The following SORL1 variants were observed in gnomAD, a reference collection of about 807,000 sequenced individuals.
SORL1 encodes the protein sortilin related receptor 1.
Under a neutral mutation model 273.7 loss-of-function variants are expected in SORL1, and 127 were observed. That is an observed-to-expected ratio of 0.46 (90% CI 0.40 to 0.54). The LOEUF is 0.54. SORL1 is among the 20% of genes least tolerant of loss of function. The pLI, the probability that SORL1 is intolerant of heterozygous loss-of-function variation, is 0.00. For missense variants in SORL1, 2,494 were observed against 2,846.1 expected, an observed-to-expected ratio of 0.88 and a Z score of 2.81; for synonymous variants, 1,031 against 1,067.4, an observed-to-expected ratio of 0.97 and a Z score of 0.66.
intron 12 of SORL1, among the ~76,000 whole-genome samples, chr11:121,542,414 A>G (rs919625593): frequency 1.3e-5 from 2 of 152,188 alleles, no homozygotes; most frequent in Non-Finnish European, 2.9e-5. Context: ...TAAAATCTAT[A>G]ACACATTATC....
At chr11:121,561,246 G>A (rs1255806891) in intron 21 of SORL1, among the ~76,000 whole-genome samples, 1 of 152,094 alleles carries the variant, frequency 6.6e-6, no homozygotes, top group Admixed American at 6.6e-5. Context: ...GTGGCTACCC[G>A]GTCACAACTT....
chr11:121,594,087 C>T (rs1042938398), intron 31 of SORL1, among the ~76,000 whole-genome samples: 1 of 148,720 alleles, frequency 6.7e-6, no homozygotes, highest in East Asian at 2.0e-4. Context: ...AGCAGCTTTT[C>T]GGAAATCCAA....
At chr11:121,466,917 T>A (rs934891173) in intron 1 of SORL1, among the ~76,000 whole-genome samples, 3 of 151,320 alleles carry the variant, frequency 2.0e-5, no homozygotes, top group Non-Finnish European at 4.4e-5. Context: ...CTCTTATGAG[T>A]AAAAGGGACA....
chr11:121,569,900 G>A (rs1017136581), intron 22 of SORL1, among the ~76,000 whole-genome samples: 6 of 152,154 alleles, frequency 3.9e-5, no homozygotes, highest in Non-Finnish European at 5.9e-5. Context: ...CTGCCGACAT[G>A]TGATGTCTCC....
chr11:121,567,216 T>C, intron 22 of SORL1, 103 bp downstream of exon 22: 1 of 1,031,780 alleles, frequency 9.7e-7, no homozygotes, highest in Non-Finnish European at 1.4e-6. Flanking sequence ...CTTTTCGTGT[T>C]ATTGGAAAAA....
At chr11:121,543,805 C>T (rs1862383323) in intron 13 of SORL1, 79 bp downstream of exon 13, 3 of 1,340,376 alleles carry the variant, frequency 2.2e-6, no homozygotes, top group Non-Finnish European at 3.1e-6. Context: ...AGCTTAGATA[C>T]TGTGTACTCA....
At chr11:121,542,812 A>AATTAT (rs200395432) in intron 12 of SORL1, among the ~76,000 whole-genome samples, 10,183 of 149,176 alleles carry the variant, frequency 0.068, 488 homozygotes, top group East Asian at 0.12. Flanking sequence ...ATTTTTCTGT[A>AATTAT]ATTATATTAT....
At chr11:121,507,523 T>C (rs568044819) in intron 6 of SORL1, among the ~76,000 whole-genome samples, 16 of 152,246 alleles carry the variant, frequency 1.1e-4, no homozygotes, top group African/African-American at 3.1e-4. Flanking sequence ...ACTGCTTTTT[T>C]ATTTTCCTGG....
At chr11:121,564,619 C>T (rs191956258) in intron 21 of SORL1, among the ~76,000 whole-genome samples, 6 of 152,252 alleles carry the variant, frequency 3.9e-5, no homozygotes, top group African/African-American at 1.2e-4. Context: ...CTCTGTTACC[C>T]AGGCTGGAGT....
chr11:121,494,980 G>C (rs1158408412), intron 5 of SORL1, among the ~76,000 whole-genome samples: 1 of 152,214 alleles, frequency 6.6e-6, no homozygotes, highest in Non-Finnish European at 1.5e-5. Flanking sequence ...ATGAAGAATA[G>C]TGTTCTCCCA....
intron 30 of SORL1, chr11:121,590,528 GC>G: frequency 1.9e-6 from 1 of 520,408 alleles, no homozygotes; most frequent in Non-Finnish European, 3.4e-6. Context: ...ATGCTAATAA[GC>G]CCCCAGGTCC....
intron 11 of SORL1, among the ~76,000 whole-genome samples, chr11:121,531,376 A>T (rs11822577): frequency 2.0e-5 from 3 of 152,172 alleles, no homozygotes; most frequent in South Asian, 2.1e-4. Flanking sequence ...CCTGGGCAAC[A>T]GAGTGAGAAT....
chr11:121,586,270 C>A lies in SORL1; in HGVS notation c.3755C>A (p.Ser1252Tyr). The change falls in exon 27 of 48, where the codon TCC (serine) becomes TAC (tyrosine). Residue 1252 changes from serine to tyrosine, a missense_variant. Ser to Tyr is a moderately radical substitution (Grantham distance 144). Transcript: ENST00000260197. Reference sequence around the variant, plus strand: ...TGCCCAAACGGCACTTGCATCCCATCCAGCAAACATTGTGATGGTCTGCGT... The same window carrying A: ...TGCCCAAACGGCACTTGCATCCCATACAGCAAACATTGTGATGGTCTGCGT... Reference protein sequence around the residue: ...FRCPNGTCIPSSKHCDGLRDC... With the variant: ...FRCPNGTCIPYSKHCDGLRDC... 6.2e-7 allele frequency: 1 copy of A among 1,614,138 alleles called. No individual in the cohort carries two copies. The highest frequency in any genetic ancestry group is 8.5e-7 in the Non-Finnish European group (1 of 1,179,982).
intron 44 of SORL1, among the ~76,000 whole-genome samples, chr11:121,621,468 T>G (rs1225941318): frequency 6.6e-6 from 1 of 152,194 alleles, no homozygotes. Flanking sequence ...CTTTATTTTC[T>G]AAGTCTTTTT....
chr11:121,477,894 T>C (rs1861301144), intron 2 of SORL1, among the ~76,000 whole-genome samples: 2 of 151,822 alleles, frequency 1.3e-5, no homozygotes, highest in African/African-American at 4.8e-5. Flanking sequence ...TAGCTGGGCG[T>C]GGTGGCAGGT....
At chr11:121,602,179 C>T (rs1863402910) in intron 32 of SORL1, among the ~76,000 whole-genome samples, 1 of 152,140 alleles carries the variant, frequency 6.6e-6, no homozygotes, top group Non-Finnish European at 1.5e-5. Flanking sequence ...TCATGAGCTT[C>T]CCCCCACCAT....
intron 21 of SORL1, among the ~76,000 whole-genome samples, chr11:121,565,331 C>T (rs1353223115): frequency 6.6e-6 from 1 of 152,156 alleles, no homozygotes; most frequent in Non-Finnish European, 1.5e-5. Context: ...TTACTCTTTT[C>T]CTTGGCATCA....
intron 32 of SORL1, among the ~76,000 whole-genome samples, chr11:121,598,864 G>T (rs1863342165): frequency 6.6e-6 from 1 of 152,172 alleles, no homozygotes; most frequent in Non-Finnish European, 1.5e-5. Context: ...TCCTCTCCAG[G>T]AATGTCACTT....
At chr11:121,556,376 T>G (rs909598537) in intron 18 of SORL1, among the ~76,000 whole-genome samples, 3 of 152,100 alleles carry the variant, frequency 2.0e-5, no homozygotes, top group Non-Finnish European at 2.9e-5. Context: ...AGCAGGCAAC[T>G]TGAGGTTGAT....
Sources: gnomAD v4.1 joint callset for allele counts (sites outside exome capture counted in the v4.1 genomes callset) on GRCh38, gnomAD v4.1.1 for gene constraint, MANE v1.5 for transcripts, NCBI Gene and HGNC (gene_info 2026-07-23, HGNC 2026-07-21) for gene names.